The following DAAM1 variants were observed in gnomAD, a reference collection of about 807,000 sequenced individuals.
DAAM1 encodes dishevelled associated activator of morphogenesis 1.
DAAM1 carries 52 observed loss-of-function variants against 130.0 expected under a neutral mutation model. The observed-to-expected ratio is 0.40, with a 90% CI of 0.32 to 0.50. The LOEUF (loss-of-function observed/expected upper bound fraction) is 0.50. Among genes scored for constraint, DAAM1 ranks in the 20% least tolerant of loss-of-function variants. The pLI, the probability that DAAM1 is intolerant of heterozygous loss-of-function variation, is 0.61. For missense variants in DAAM1, 1,134 were observed against 1,303.8 expected (o/e 0.87, Z 2.01); for synonymous variants, 452 against 444.5 (o/e 1.02, Z -0.21).
chr14:59,196,984 G>T (rs1414502339), intron 1 of DAAM1, among the ~76,000 whole-genome samples: 1 of 151,906 alleles, frequency 6.6e-6, no homozygotes, highest in Non-Finnish European at 1.5e-5. Context: ...GCAGTGGCGC[G>T]ATCTCGGCTC....
At chr14:59,244,767 T>C (rs1007205997) in intron 1 of DAAM1, among the ~76,000 whole-genome samples, 29 of 152,186 alleles carry the variant, frequency 1.9e-4, no homozygotes, top group African/African-American at 7.0e-4. Context: ...CTGGCATCAC[T>C]GTCCTGGTTG....
intron 16 of DAAM1, among the ~76,000 whole-genome samples, chr14:59,342,348 C>A (rs1885882563): frequency 2.0e-5 from 3 of 152,208 alleles, no homozygotes; most frequent in Admixed American, 2.0e-4. Context: ...TTTGTGCTCA[C>A]TGGTCAGTTG....
At chr14:59,190,911 T>C (rs566860343) in intron 1 of DAAM1, among the ~76,000 whole-genome samples, 1 of 152,368 alleles carries the variant, frequency 6.6e-6, no homozygotes, top group South Asian at 2.1e-4. Context: ...CTATTTATAA[T>C]ACTGTTTATA....
intron 16 of DAAM1, 134 bp downstream of exon 16, chr14:59,340,314 T>C: frequency 1.3e-6 from 1 of 751,496 alleles, no homozygotes; most frequent in Non-Finnish European, 2.1e-6. Flanking sequence ...TCTGTTAAAA[T>C]GAGAACAGCT....
chr14:59,216,472 G>A (rs1320595284), intron 1 of DAAM1, among the ~76,000 whole-genome samples: 1 of 152,190 alleles, frequency 6.6e-6, no homozygotes, highest in East Asian at 1.9e-4. Context: ...TGTAATACCA[G>A]CACTTTGGGA....
chr14:59,251,726 C>G (rs2139482766), intron 1 of DAAM1, among the ~76,000 whole-genome samples: 1 of 152,338 alleles, frequency 6.6e-6, no homozygotes, highest in Non-Finnish European at 1.5e-5. Context: ...TATACTTCAT[C>G]TTGCATACAG....
chr14:59,196,352 C>G (rs1302832186), intron 1 of DAAM1, among the ~76,000 whole-genome samples: 1 of 152,166 alleles, frequency 6.6e-6, no homozygotes, highest in East Asian at 1.9e-4. Flanking sequence ...TAAAACCAAG[C>G]AGGGAAATGT....
chr14:59,212,574 A>G (rs191522865), intron 1 of DAAM1, among the ~76,000 whole-genome samples: 33 of 152,278 alleles, frequency 2.2e-4, no homozygotes, highest in Admixed American at 1.1e-3. Context: ...CCCACTTCCT[A>G]TTCCTTCCAC....
rs146428161 is a variant in DAAM1, at chr14:59,324,287, A to T, written c.885+49A>T. 613 of 1,411,532 alleles carry T rather than the reference A, an allele frequency of 4.3e-4. 4 individuals are homozygous for T. In the African/African-American group the frequency reaches 8.0e-3, roughly 19 times the overall value. 87.4% of individuals were successfully genotyped at this position (1,411,532 alleles called of 1,614,324 possible). ...AATATATTAGTAAATAATAATTTAT[A>T]AAAAGTGATTATTATGTAGTCTAAA... is the stretch of plus-strand genomic sequence containing the variant. On this transcript the variant is annotated intron_variant, in intron 7 of 24. Coordinates refer to ENST00000360909, the MANE Select transcript of DAAM1 (RefSeq NM_001270520.2).
At position 59,369,039 on chromosome 14, in the gene DAAM1, C is replaced by CT; in HGVS notation, c.*181dup. 1 of 587,964 alleles carries CT rather than the reference C, an allele frequency of 1.7e-6. No homozygotes were observed. Among genetic ancestry groups the CT allele is most frequent in the Non-Finnish European group, 3.0e-6 (1 of 338,788 alleles). The allele number at this position is 587,964 out of a possible 1,614,324, so 36.4% of individuals were successfully genotyped here. A position where few individuals can be genotyped will look rare whatever the true frequency, so the allele number is the denominator to read the frequency against. On this transcript the variant is annotated 3_prime_UTR_variant, in exon 25 of 25. Transcript: ENST00000360909. ...TATATTAAAAAATGTATATAGATGTCTGAGTGTTGTCTGGAGACCTATACG... is the reference window on the plus strand; with the variant it reads ...TATATTAAAAAATGTATATAGATGTCTTGAGTGTTGTCTGGAGACCTATACG...
chr14:59,325,968 A>G lies in DAAM1; in HGVS notation c.1065A>G (p.Ile355Met). The change falls in exon 10 of 25, where the codon ATA (isoleucine) becomes ATG (methionine). Residue 355 changes from isoleucine (I) to methionine (M), a missense_variant. By Grantham distance (10) the Ile-to-Met change is conservative. Transcript: ENST00000360909. ...TTTTTCCTGTGAAATAGGTTCACAT[A>G]GACACAAAAAGTGCAACTCAGATGT... ...EFAKRFELVHIDTKSATQMFE... is the reference protein window; with the variant it reads ...EFAKRFELVHMDTKSATQMFE... 1 of 1,614,090 alleles carries G rather than the reference A, an allele frequency of 6.2e-7. No homozygotes were observed. The highest frequency in any genetic ancestry group is 8.5e-7 in the Non-Finnish European group (1 of 1,179,922).
chr14:59,255,004 G>T (rs141998280), intron 1 of DAAM1, among the ~76,000 whole-genome samples: 107 of 152,270 alleles, frequency 7.0e-4, no homozygotes, highest in African/African-American at 2.1e-3. Flanking sequence ...GGCAGTTCTG[G>T]CTTCCACTCT....
chr14:59,205,443 G>C (rs1013377594), intron 1 of DAAM1, among the ~76,000 whole-genome samples: 1 of 152,192 alleles, frequency 6.6e-6, no homozygotes, highest in African/African-American at 2.4e-5. Flanking sequence ...GTTTGGATTT[G>C]CTGAGATCTT....
intron 2 of DAAM1, among the ~76,000 whole-genome samples, chr14:59,271,318 C>T (rs1383075099): frequency 6.6e-6 from 1 of 151,660 alleles, no homozygotes; most frequent in East Asian, 1.9e-4. Flanking sequence ...ACTAAAATCC[C>T]AATGAGAAGG....
intron 16 of DAAM1, among the ~76,000 whole-genome samples, chr14:59,346,318 A>T (rs2139659430): frequency 6.6e-6 from 1 of 152,326 alleles, no homozygotes; most frequent in Admixed American, 6.5e-5. Context: ...CAAAAGTTGC[A>T]TGTGACATGT....
At chr14:59,250,039 G>A (rs1881564589) in intron 1 of DAAM1, among the ~76,000 whole-genome samples, 1 of 152,106 alleles carries the variant, frequency 6.6e-6, no homozygotes, top group African/African-American at 2.4e-5. Flanking sequence ...GTATATTTGT[G>A]ATACCCCTAT....
At chr14:59,231,571 G>T (rs1387258524) in intron 1 of DAAM1, among the ~76,000 whole-genome samples, 1 of 152,166 alleles carries the variant, frequency 6.6e-6, no homozygotes, top group Admixed American at 6.6e-5. Context: ...TGGCTCTAGA[G>T]TCAGACAGCC....
intron 2 of DAAM1, 71 bp downstream of exon 2, chr14:59,263,731 G>GGACACATGTCA: frequency 6.3e-7 from 1 of 1,596,262 alleles, no homozygotes; most frequent in South Asian, 1.1e-5. Context: ...ATGTGAATGA[G>GGACACATGTCA]TTGGTTTGGT....
chr14:59,303,214 T>C (rs1387602134), intron 3 of DAAM1, among the ~76,000 whole-genome samples: 5 of 152,318 alleles, frequency 3.3e-5, no homozygotes, highest in Admixed American at 3.3e-4. Flanking sequence ...ATGCAGAATT[T>C]CACTAGGCAT....
Sources: gnomAD v4.1 joint callset for allele counts (sites outside exome capture counted in the v4.1 genomes callset) on GRCh38, gnomAD v4.1.1 for gene constraint, MANE v1.5 for transcripts, NCBI Gene and HGNC (gene_info 2026-07-23, HGNC 2026-07-21) for gene names.